The following TUBB1 variants were observed in gnomAD, a reference collection of about 807,000 sequenced individuals.
The protein encoded by TUBB1 is tubulin beta 1 class VI.
Under a neutral mutation model 22.6 loss-of-function variants are expected in TUBB1, and 28 were observed. That is an observed-to-expected ratio of 1.24 (90% CI 0.92 to 1.70). TUBB1 has a LOEUF of 1.70. Among genes scored for constraint, TUBB1 ranks in the 40% most tolerant of loss-of-function variants. The pLI is 0.00. For synonymous variants in TUBB1, 226 were observed against 238.0 expected (o/e 0.95, Z 0.46); for missense variants, 577 against 605.5 (o/e 0.95, Z 0.49).
Position 59,023,525 on chromosome 20 carries a change from CTA to C in TUBB1, c.203_204del (p.Leu68ArgfsTer11). On this transcript the variant is annotated frameshift_variant, in exon 3 of 4. Coordinates refer to ENST00000217133, the MANE Select transcript of TUBB1 (RefSeq NM_030773.4). LOFTEE classifies it high-confidence loss of function. ...TGTGCCCCGAGCAGTCTTGGTGGACCTAGAACCTGGGACGATGGACAGCATTC... is the reference window on the plus strand; with the variant it reads ...TGTGCCCCGAGCAGTCTTGGTGGACCGAACCTGGGACGATGGACAGCATTC... Reference protein sequence around the residue: ...KYVPRAVLVDLEPGTMDSIRS... With the variant: ...KYVPRAVLVDXEPGTMDSIRS... 1 of 1,614,088 alleles carries C rather than the reference CTA, an allele frequency of 6.2e-7. No homozygotes were observed. Among genetic ancestry groups the C allele is most frequent in the African/African-American group, 1.3e-5 (1 of 75,010 alleles).
rs141698221 is a variant in TUBB1 at position 59,024,005 on chromosome 20, T to C, written c.578T>C (p.Ile193Thr). The C allele has an allele frequency of 7.2e-5, 117 of 1,614,202 alleles. No homozygotes were observed. Among genetic ancestry groups the C allele is most frequent in the East Asian group, 7.1e-4 (32 of 44,884 alleles). Residue 193 changes from isoleucine to threonine, a missense_variant, in exon 4 of 4, where the codon ATT becomes ACT. Ile to Thr is a moderately conservative substitution (Grantham distance 89). Transcript: ENST00000217133. This position sits in a 1 kb window ranked among gnomAD's most constrained non-coding sequence, Gnocchi z 4.9. ...GCGGTTCTGTCTATCCACCAGCTGA[T>C]TGAGAATGCAGATGCCTGTTTCTGC... ...YNAVLSIHQL[I>T]ENADACFCID...
intron 1 of TUBB1, among the ~76,000 whole-genome samples, chr20:59,019,953 A>G (rs1159869541): frequency 1.3e-5 from 2 of 152,208 alleles, no homozygotes; most frequent in East Asian, 3.9e-4. Context: ...ATGGCTCACT[A>G]TAGCCTCAAC....
chr20:59,024,027 C>T lies in TUBB1; in HGVS notation c.600C>T (p.Phe200=). 6.2e-7 allele frequency: 1 copy of T among 1,614,222 alleles called. No homozygotes were observed. The highest frequency in any genetic ancestry group is 8.5e-7 in the Non-Finnish European group (1 of 1,180,036). Residue 200 remains phenylalanine (F), a synonymous_variant, in exon 4 of 4, where the codon TTC becomes TTT. Coordinates refer to ENST00000217133, the MANE Select transcript of TUBB1 (RefSeq NM_030773.4). The surrounding 1 kb of genome is among the most constrained non-coding windows in gnomAD (Gnocchi z 4.9). The part of the protein sequence containing the change: ...HQLIENADAC[F]CIDNEALYDI... Reference sequence around the variant, plus strand: ...TGATTGAGAATGCAGATGCCTGTTTCTGCATTGACAATGAGGCCCTCTATG... The same window carrying T: ...TGATTGAGAATGCAGATGCCTGTTTTTGCATTGACAATGAGGCCCTCTATG...
upstream of TUBB1, among the ~76,000 whole-genome samples, chr20:59,016,708 CTG>C (rs1233165173): frequency 1.3e-5 from 2 of 152,156 alleles, no homozygotes; most frequent in Non-Finnish European, 2.9e-5. Flanking sequence ...TTAAAATGGT[CTG>C]TTTTAATTTC....
upstream of TUBB1, among the ~76,000 whole-genome samples, chr20:59,018,605 C>T (rs539024964): frequency 2.2e-4 from 34 of 152,232 alleles, no homozygotes; most frequent in African/African-American, 6.0e-4. Context: ...GATGGGGTTT[C>T]GCCATGTTGG....
In TUBB1 at chr20:59,022,000, T is replaced by TAAAC. The variant is rs1175543082; in HGVS notation, c.58-842_58-841insCAAA. ...ACAAGAGTGAAACTCTGTCTCAAAA[T>TAAAC]AAATAAATAAACAAACAAACAAACA... On this transcript the variant is annotated intron_variant, in intron 1 of 3. Coordinates refer to ENST00000217133, the MANE Select transcript of TUBB1 (RefSeq NM_030773.4). 6.0e-3 allele frequency among the ~76,000 whole-genome samples: 870 copies of TAAAC among 146,166 alleles called. 4 individuals are homozygous for TAAAC. The highest frequency in any genetic ancestry group is 9.1e-3 in the East Asian group (46 of 5,072).
intron 1 of TUBB1, among the ~76,000 whole-genome samples, chr20:59,021,597 T>C (rs564758387): frequency 6.6e-6 from 1 of 152,352 alleles, no homozygotes; most frequent in South Asian, 2.1e-4. Context: ...CATATCTATA[T>C]TAATAAGTAC....
In TUBB1 at chr20:59,023,980, G is replaced by A. The variant is rs775027915; in HGVS notation, c.553G>A (p.Ala185Thr). The A allele has an allele frequency of 2.5e-5, 41 of 1,613,926 alleles. No individual in the cohort carries two copies. The highest frequency in any genetic ancestry group is 3.4e-5 in the Non-Finnish European group (40 of 1,180,018). The change falls in exon 4 of 4, where the codon GCG becomes ACG. Residue 185 changes from alanine to threonine, a missense_variant. By Grantham distance (58) the Ala-to-Thr change is moderately conservative. Coordinates refer to ENST00000217133, the MANE Select transcript of TUBB1 (RefSeq NM_030773.4). Reference sequence around the variant, plus strand: ...GGACACTGTGGTGGAGCCCTACAACGCGGTTCTGTCTATCCACCAGCTGAT... The same window carrying A: ...GGACACTGTGGTGGAGCCCTACAACACGGTTCTGTCTATCCACCAGCTGAT... ...VSDTVVEPYN[A>T]VLSIHQLIEN... is the part of the protein sequence containing the mutation.
intron 1 of TUBB1, among the ~76,000 whole-genome samples, chr20:59,022,437 A>G (rs2091971857): frequency 6.6e-6 from 1 of 152,186 alleles, no homozygotes; most frequent in African/African-American, 2.4e-5. Context: ...TTACTGTGAA[A>G]TCAGATAAGA....
At chr20:59,022,266 C>T (rs73618633) in intron 1 of TUBB1, among the ~76,000 whole-genome samples, 8 of 138,870 alleles carry the variant, frequency 5.8e-5, no homozygotes, top group South Asian at 2.4e-4. Context: ...ACCCAGGAGG[C>T]GGAGGTTGCA....
At position 59,022,908 on chromosome 20, in the gene TUBB1, GC is replaced by G; in HGVS notation, c.123del (p.Leu42CysfsTer27). ...GGCTGGGAGCGACCGCGGGGCCTCG[GC>G]CTTGCAGCTGGAGAGAATCAGCGTG... ...DLAGSDRGAS[A>X]LQLERISVYY... On this transcript the variant is annotated frameshift_variant, in exon 2 of 4. Transcript: ENST00000217133. LOFTEE classifies it high-confidence loss of function. 6.2e-7 allele frequency: 1 copy of G among 1,614,120 alleles called. No individual in the cohort carries two copies.
At chr20:59,017,687 G>C (rs1312740413), upstream of TUBB1, among the ~76,000 whole-genome samples, 1 of 152,176 alleles carries the variant, frequency 6.6e-6, no homozygotes, top group Non-Finnish European at 1.5e-5. Context: ...TCACGGGTCT[G>C]GCGAGAGGCA....
chr20:59,019,270 T>C, upstream of TUBB1: 1 of 578,370 alleles, frequency 1.7e-6, no homozygotes, highest in South Asian at 1.9e-5. Context: ...GTATTCTGTG[T>C]TGAGGGAGGA....
Position 59,025,195 on chromosome 20 carries a change from A to C in TUBB1, c.*412A>C. On this transcript the variant is annotated 3_prime_UTR_variant, in exon 4 of 4. Coordinates refer to ENST00000217133, the MANE Select transcript of TUBB1 (RefSeq NM_030773.4). ...CTCACTTGGTATCCGAGGGCTACTA[A>C]GACTCTTTCCTTAGGTTCTTTCCTC... 3.6e-6 allele frequency: 1 copy of C among 281,506 alleles called. No homozygotes were observed. Among genetic ancestry groups the C allele is most frequent in the Non-Finnish European group, 7.0e-6 (1 of 143,148 alleles). 17.4% of individuals were successfully genotyped at this position (281,506 alleles called of 1,614,324 possible). A position where few individuals can be genotyped will look rare whatever the true frequency, so the allele number is the denominator to read the frequency against.
chr20:59,024,129 CG>C lies in TUBB1; in HGVS notation c.704del (p.Gly235AlafsTer2), dbSNP rs770554119. The C allele has an allele frequency of 9.9e-6, 16 of 1,614,090 alleles. No individual in the cohort carries two copies. The highest frequency in any genetic ancestry group is 1.2e-5 in the Non-Finnish European group (14 of 1,180,034). ...ACCACCTAGTGTCCTTGACCATGAG[CG>C]GCATAACCACCTCCCTCCGGTTCCC... ...LNHLVSLTMS[G>X]ITTSLRFPGQ... On this transcript the variant is annotated frameshift_variant, in exon 4 of 4. Coordinates refer to ENST00000217133, the MANE Select transcript of TUBB1 (RefSeq NM_030773.4). LOFTEE classifies it high-confidence loss of function. This position sits in a 1 kb window ranked among gnomAD's most constrained non-coding sequence, Gnocchi z 4.9.
Position 59,023,505 on chromosome 20 carries a change from C to T in TUBB1, c.182C>T (p.Pro61Leu). The T allele has an allele frequency of 6.2e-7, 1 of 1,613,874 alleles. No homozygotes were observed. The highest frequency in any genetic ancestry group is 8.5e-7 in the Non-Finnish European group (1 of 1,179,958). ...YNEAYGRKYV[P>L]RAVLVDLEPG... is the part of the protein sequence containing the mutation. Reference sequence around the variant, plus strand: ...TTCTACACAGGTAGGAAATATGTGCCCCGAGCAGTCTTGGTGGACCTAGAA... The same window carrying T: ...TTCTACACAGGTAGGAAATATGTGCTCCGAGCAGTCTTGGTGGACCTAGAA... Residue 61 changes from proline (P) to leucine (L), a missense_variant, in exon 3 of 4, where the codon CCC becomes CTC. Coordinates refer to ENST00000217133, the MANE Select transcript of TUBB1 (RefSeq NM_030773.4).
chr20:59,022,758 G>C (rs1369537089), intron 1 of TUBB1, 87 bp from the exon 2 acceptor site: 5 of 1,242,202 alleles, frequency 4.0e-6, no homozygotes, highest in African/African-American at 2.9e-5. Context: ...CAACCAGAGG[G>C]AAACAGGCTT....
rs540292159 is a variant in TUBB1 at position 59,023,608 on chromosome 20, T to G, written c.277+8T>G. 7.4e-6 allele frequency: 12 copies of G among 1,614,048 alleles called. No homozygotes were observed. The highest frequency in any genetic ancestry group is 1.0e-5 in the Non-Finnish European group (12 of 1,180,030). On this transcript the variant is annotated splice_region_variant and intron_variant, in intron 3 of 3. Transcript: ENST00000217133. ...CCGACAGTTTTGTCCATGGTATGTT[T>G]TTCCAGAAGGTTCCACCAGGAGGAG...
Position 59,024,910 on chromosome 20 carries a change from C to T in TUBB1, c.*127C>T, listed in dbSNP as rs1229916290. 2 of 859,936 alleles carry T rather than the reference C, an allele frequency of 2.3e-6. No individual in the cohort carries two copies. Among genetic ancestry groups the T allele is most frequent in the Admixed American group, 2.0e-5 (1 of 50,868 alleles). 53.3% of individuals were successfully genotyped at this position (859,936 alleles called of 1,614,324 possible). A position where few individuals can be genotyped will look rare whatever the true frequency, so the allele number is the denominator to read the frequency against. ...GTGAATGATATGCACTCACCATTAGCTTCGACACAGGGACTGAGGGAGACA... is the reference window on the plus strand; with the variant it reads ...GTGAATGATATGCACTCACCATTAGTTTCGACACAGGGACTGAGGGAGACA... On this transcript the variant is annotated 3_prime_UTR_variant, in exon 4 of 4. Transcript: ENST00000217133. This position sits in a 1 kb window ranked among gnomAD's most constrained non-coding sequence, Gnocchi z 4.9.
Sources: gnomAD v4.1 joint callset for allele counts (sites outside exome capture counted in the v4.1 genomes callset) on GRCh38, gnomAD v4.1.1 for gene constraint, Gnocchi (gnomAD v3.1) non-coding constraint, MANE v1.5 for transcripts, NCBI Gene and HGNC (gene_info 2026-07-23, HGNC 2026-07-21) for gene names.